The following CR1L variants were observed in gnomAD, a reference collection of about 807,000 sequenced individuals.
CR1L encodes the protein complement C3b/C4b receptor 1 like, also known as complement component receptor 1-like protein.
CR1L carries 59 observed loss-of-function variants against 62.3 expected under a neutral mutation model. The ratio of observed to expected loss-of-function variants is 0.95; its 90% CI spans 0.77 to 1.18. The LOEUF (loss-of-function observed/expected upper bound fraction) is 1.18. Ranked by LOEUF, CR1L falls within the 50% of genes most tolerant of loss-of-function variation. CR1L has a pLI of 0.00. For missense variants in CR1L, 700 were observed against 702.8 expected, an observed-to-expected ratio of 1.00 and a Z score of 0.04; for synonymous variants, 279 against 248.7, an observed-to-expected ratio of 1.12 and a Z score of -1.15.
At chr1:207,661,704 AT>A (rs1663427114) in intron 1 of CR1L, among the ~76,000 whole-genome samples, 1 of 152,050 alleles carries the variant, frequency 6.6e-6, no homozygotes, top group Admixed American at 6.5e-5. Context: ...TTAGCTGGTT[AT>A]TTTGCTCGTT....
intron 1 of CR1L, among the ~76,000 whole-genome samples, chr1:207,676,650 CTATTATTGTTAT>C (rs1242535550): frequency 6.6e-6 from 1 of 152,090 alleles, no homozygotes; most frequent in African/African-American, 2.4e-5. Context: ...AATCTCTTTG[CTATTATTGTTAT>C]TATTATTGTT....
At chr1:207,686,552 A>C (rs186640889) in intron 4 of CR1L, among the ~76,000 whole-genome samples, 38 of 152,334 alleles carry the variant, frequency 2.5e-4, no homozygotes, top group Non-Finnish European at 5.0e-4. Flanking sequence ...AATAATTTTG[A>C]ATTTCAATTT....
At chr1:207,702,963 A>G (rs1431822926) in intron 9 of CR1L, among the ~76,000 whole-genome samples, 1 of 152,192 alleles carries the variant, frequency 6.6e-6, no homozygotes, top group African/African-American at 2.4e-5. Flanking sequence ...GGTTGCCTGT[A>G]GTTCCAGCTA....
At position 207,645,257 on chromosome 1, in the gene CR1L, G is replaced by A; in HGVS notation, c.24G>A (p.Glu8=). The part of the protein sequence containing the change: MAPPVRL[E]RPFPSRRFPG... The stretch of plus-strand genomic sequence containing the variant: ...TCATGGCGCCTCCCGTCCGTCTCGA[G>A]CGTCCCTTTCCTTCCCGGCGCTTTC... The change falls in exon 1 of 12, where the codon GAG becomes GAA. Residue 8 remains glutamate, a synonymous_variant. Transcript: ENST00000508064. 2 of 1,613,566 alleles carry A rather than the reference G, an allele frequency of 1.2e-6. No individual in the cohort carries two copies. Among genetic ancestry groups the A allele is most frequent in the Non-Finnish European group, 1.7e-6 (2 of 1,180,012 alleles).
In CR1L at chr1:207,670,753, A is replaced by C. The variant is rs545419502; in HGVS notation, c.98-6636A>C. Among the ~76,000 whole-genome samples, 77 of 151,334 alleles carry C rather than the reference A, an allele frequency of 5.1e-4. 1 individual carries two copies. The highest frequency in any genetic ancestry group is 9.1e-4 in the Non-Finnish European group (62 of 68,028). ...AGAAAGTAACCTGTCTAGTGAAGAG[A>C]TATGATAAAACTTACAATTTTATTT... On this transcript the variant is annotated intron_variant, in intron 1 of 11. Coordinates refer to ENST00000508064, the MANE Select transcript of CR1L (RefSeq NM_175710.2).
rs754062500 is a variant in CR1L, at chr1:207,697,538, C to T, written c.898C>T (p.Arg300Cys). ...QPPPDVLHAE[R>C]TQRDKDNFSP... ...ACCTCCAGATGTCCTGCATGCTGAG[C>T]GTACCCAAAGGGACAAGGACAACTT... The change falls in exon 6 of 12, where the codon CGT (arginine) becomes TGT (cysteine). Residue 300 changes from arginine (R) to cysteine (C), a missense_variant. Arg to Cys is a radical substitution (Grantham distance 180, BLOSUM62 -3). Coordinates refer to ENST00000508064, the MANE Select transcript of CR1L (RefSeq NM_175710.2). The T allele has an allele frequency of 1.8e-5, 29 of 1,613,628 alleles. No homozygotes were observed. The highest frequency in any genetic ancestry group is 5.5e-5 in the South Asian group (5 of 91,084).
intron 8 of CR1L, 35 bp downstream of exon 8, chr1:207,699,309 T>A: frequency 6.2e-7 from 1 of 1,611,826 alleles, no homozygotes; most frequent in Non-Finnish European, 8.5e-7. Context: ...GGCCAATCTC[T>A]CCCCTTCATC....
intron 1 of CR1L, among the ~76,000 whole-genome samples, chr1:207,654,587 C>T (rs1422698206): frequency 6.6e-6 from 1 of 152,034 alleles, no homozygotes; most frequent in Non-Finnish European, 1.5e-5. Context: ...GAAAGTATTC[C>T]TATACTCAAT....
intron 10 of CR1L, among the ~76,000 whole-genome samples, chr1:207,709,559 G>T (rs1350603535): frequency 6.6e-6 from 1 of 152,156 alleles, no homozygotes; most frequent in Non-Finnish European, 1.5e-5. Context: ...CTATAGGCCA[G>T]GCACAGTGGC....
At chr1:207,647,043 A>G (rs1663138640) in intron 1 of CR1L, among the ~76,000 whole-genome samples, 1 of 150,856 alleles carries the variant, frequency 6.6e-6, no homozygotes, top group South Asian at 2.1e-4. Flanking sequence ...ACATGCAGGA[A>G]GATAAGCAGG....
intron 10 of CR1L, among the ~76,000 whole-genome samples, chr1:207,712,683 C>T (rs1352603791): frequency 4.6e-5 from 7 of 152,224 alleles, no homozygotes; most frequent in Non-Finnish European, 7.3e-5. Flanking sequence ...GACTGGACCC[C>T]TGAAGCCCCC....
chr1:207,696,079 G>T (rs1029053405), intron 5 of CR1L, among the ~76,000 whole-genome samples: 6 of 152,202 alleles, frequency 3.9e-5, no homozygotes, highest in Non-Finnish European at 7.4e-5. Flanking sequence ...CGAAGGCAGA[G>T]TTACCAGAGA....
At position 207,697,679 on chromosome 1, in the gene CR1L, G is replaced by A. The variant is rs1664125907; in HGVS notation, c.1039G>A (p.Val347Met). ...GAGCCCTGCAGCCCCCAGATGTGAA[G>A]GTGACTAGACTCTTATCTGGCTTGG... ...DWSPAAPRCE[V>M]KSCDDFLGQL... The change falls in exon 6 of 12, where the codon GTG becomes ATG. Residue 347 changes from valine (V) to methionine (M), a missense_variant and splice_region_variant. Val to Met is a conservative substitution (Grantham distance 21). Transcript: ENST00000508064. The A allele has an allele frequency of 6.2e-7, 1 of 1,613,996 alleles. No homozygotes were observed. The highest frequency in any genetic ancestry group is 8.5e-7 in the Non-Finnish European group (1 of 1,179,876).
chr1:207,719,585 G>C (rs574214639), intron 11 of CR1L, among the ~76,000 whole-genome samples: 22 of 152,190 alleles, frequency 1.4e-4, no homozygotes, highest in Non-Finnish European at 3.1e-4. Flanking sequence ...GCTGGGCGTG[G>C]TAGTGCATGC....
chr1:207,696,196 G>C (rs1664099326), intron 5 of CR1L, among the ~76,000 whole-genome samples: 1 of 152,212 alleles, frequency 6.6e-6, no homozygotes, highest in Admixed American at 6.5e-5. Flanking sequence ...AGCTGCTAAT[G>C]CTGCAGGAGC....
intron 1 of CR1L, among the ~76,000 whole-genome samples, chr1:207,667,972 T>C (rs1047015360): frequency 6.6e-6 from 1 of 150,998 alleles, no homozygotes; most frequent in Non-Finnish European, 1.5e-5. Context: ...GAGAGAGATA[T>C]CACCTCACCC....
intron 2 of CR1L, 45 bp downstream of exon 2, chr1:207,677,613 G>A: frequency 6.3e-7 from 1 of 1,584,058 alleles, no homozygotes; most frequent in East Asian, 2.2e-5. Context: ...TCAAACATCT[G>A]TAAGATCTGA....
In CR1L at chr1:207,677,372, G is replaced by A. The variant is rs74231794; in HGVS notation, c.98-17G>A. 97,051 of 1,450,668 alleles carry A rather than the reference G, an allele frequency of 0.067. 5,670 individuals carry two copies. Among genetic ancestry groups the A allele is most frequent in the East Asian group, 0.36 (14,345 of 40,248 alleles). 89.9% of individuals were successfully genotyped at this position (1,450,668 alleles called of 1,614,324 possible). A position where few individuals can be genotyped will look rare whatever the true frequency, so the allele number is the denominator to read the frequency against. On this transcript the variant is annotated splice_polypyrimidine_tract_variant and intron_variant, in intron 1 of 11. Coordinates refer to ENST00000508064, the MANE Select transcript of CR1L (RefSeq NM_175710.2). The stretch of plus-strand genomic sequence containing the variant: ...TTTCTCCATTAACTTCGATGCTGCT[G>A]TGGTCTTGATCCCCAGATCAATGCA...
rs538926393 is a variant in CR1L, at chr1:207,684,684, T to C, written c.463+727T>C. Among the ~76,000 whole-genome samples the C allele has an allele frequency of 4.2e-4, 64 of 152,208 alleles. 2 individuals are homozygous for C. In the South Asian group the frequency reaches 0.013, roughly 31 times the overall value. The stretch of plus-strand genomic sequence containing the variant: ...TATTCAGCCATAAAAAATGATAGCA[T>C]AAAGAAGCACTTAATGACTAGAAAG... On this transcript the variant is annotated intron_variant, in intron 4 of 11. Coordinates refer to ENST00000508064, the MANE Select transcript of CR1L (RefSeq NM_175710.2).
Sources: allele counts gnomAD v4.1 joint callset (sites outside exome capture counted in the v4.1 genomes callset), GRCh38; gene constraint gnomAD v4.1.1; transcripts MANE v1.5; gene names NCBI Gene and HGNC (gene_info 2026-07-23, HGNC 2026-07-21).